The following ACBD6 variants were observed in gnomAD, a reference collection of about 807,000 sequenced individuals.
The protein encoded by ACBD6 is acyl-CoA-binding domain-containing protein 6.
In ACBD6, 28 loss-of-function variants were observed where a neutral mutation model predicts 37.2. That is an observed-to-expected ratio of 0.75 (90% CI 0.56 to 1.03). ACBD6 has a LOEUF of 1.03. ACBD6 is among the 50% of genes least tolerant of loss of function. ACBD6 has a pLI of 0.00. For synonymous variants in ACBD6, 113 were observed against 126.8 expected, an observed-to-expected ratio of 0.89 and a Z score of 0.73; for missense variants, 340 against 337.4, an observed-to-expected ratio of 1.01 and a Z score of -0.06.
At chr1:180,293,995 A>C (rs1270969239) in intron 7 of ACBD6, among the ~76,000 whole-genome samples, 1 of 152,010 alleles carries the variant, frequency 6.6e-6, no homozygotes, top group East Asian at 1.9e-4. Context: ...CCCGGGTTCA[A>C]GTGATTCTCC....
At chr1:180,356,812 T>C (rs1652646105) in intron 6 of ACBD6, among the ~76,000 whole-genome samples, 1 of 149,878 alleles carries the variant, frequency 6.7e-6, no homozygotes, top group Non-Finnish European at 1.5e-5. Context: ...ATTGAGCCAC[T>C]TGCACTCCAG....
At chr1:180,280,074 C>T (rs1275605635) in intron 9 of ACBD6, among the ~76,000 whole-genome samples, 3 of 152,192 alleles carry the variant, frequency 2.0e-5, no homozygotes, top group African/African-American at 7.2e-5. Flanking sequence ...AGGTGCTCAA[C>T]AGCTTCATGT....
At chr1:180,347,388 A>G (rs896984634) in intron 6 of ACBD6, among the ~76,000 whole-genome samples, 14 of 131,004 alleles carry the variant, frequency 1.1e-4, no homozygotes, top group African/African-American at 4.1e-4. Context: ...TTTTTGAGAC[A>G]GAGTCATGCT....
intron 3 of ACBD6, among the ~76,000 whole-genome samples, chr1:180,466,578 T>C (rs897369506): frequency 3.9e-5 from 6 of 152,200 alleles, no homozygotes; most frequent in Non-Finnish European, 8.8e-5. Flanking sequence ...TAATGACTTA[T>C]TATTGGGTGT....
intron 6 of ACBD6, among the ~76,000 whole-genome samples, chr1:180,362,986 G>A (rs1652905797): frequency 6.6e-6 from 1 of 152,190 alleles, no homozygotes; most frequent in African/African-American, 2.4e-5. Context: ...GGGATGCAGG[G>A]ATTCTCACTC....
chr1:180,413,607 G>A, intron 4 of ACBD6, 136 bp from the exon 5 acceptor site: 1 of 652,338 alleles, frequency 1.5e-6, no homozygotes, highest in East Asian at 2.8e-5. Flanking sequence ...AACAGTAACA[G>A]TTTTTCAGTA....
At chr1:180,465,670 C>T (rs1414305848) in intron 3 of ACBD6, among the ~76,000 whole-genome samples, 2 of 151,990 alleles carry the variant, frequency 1.3e-5, no homozygotes, top group African/African-American at 4.8e-5. Flanking sequence ...GGTATATACC[C>T]GGAGGAATAT....
intron 6 of ACBD6, among the ~76,000 whole-genome samples, chr1:180,316,537 C>T (rs1329546535): frequency 1.3e-5 from 2 of 152,134 alleles, no homozygotes; most frequent in Admixed American, 1.3e-4. Context: ...AGTTCTTTCA[C>T]TATTTGTGCA....
rs375360583 is a variant in ACBD6 at position 180,397,235 on chromosome 1, G to A, written c.663+281C>T. ...CATTTATATAAAATATCCAGAATAG[G>A]CAAATCTATAGAAACAGAAAGCAGA... On this transcript the variant is annotated intron_variant, in intron 6 of 7. Transcript: ENST00000367595. Among the ~76,000 whole-genome samples the A allele has an allele frequency of 3.5e-4, 54 of 152,212 alleles. 1 individual carries two copies. The highest frequency in any genetic ancestry group is 1.3e-3 in the African/African-American group (54 of 41,544).
chr1:180,435,987 T>C (rs1171519025), intron 3 of ACBD6: 6 of 962,782 alleles, frequency 6.2e-6, no homozygotes, highest in Non-Finnish European at 3.3e-6. Context: ...TTTTGCAGCA[T>C]AGCTACCTTC....
intron 6 of ACBD6, among the ~76,000 whole-genome samples, chr1:180,359,440 G>C (rs1652761155): frequency 6.6e-6 from 1 of 151,954 alleles, no homozygotes; most frequent in Non-Finnish European, 1.5e-5. Flanking sequence ...AGGATGACAT[G>C]AAATCAATGT....
At chr1:180,428,495 T>C (rs960886367) in intron 4 of ACBD6, among the ~76,000 whole-genome samples, 7 of 152,210 alleles carry the variant, frequency 4.6e-5, no homozygotes, top group African/African-American at 1.2e-4. Context: ...ATCACTTCAC[T>C]AGCAATTGGG....
At chr1:180,352,615 A>G (rs1339721480) in intron 6 of ACBD6, among the ~76,000 whole-genome samples, 2 of 152,228 alleles carry the variant, frequency 1.3e-5, no homozygotes, top group Non-Finnish European at 2.9e-5. Flanking sequence ...GGATGGAAGC[A>G]TGTGAGAGAC....
intron 3 of ACBD6, among the ~76,000 whole-genome samples, chr1:180,459,049 G>C (rs1650026113): frequency 6.6e-6 from 1 of 152,032 alleles, no homozygotes; most frequent in Admixed American, 6.6e-5. Flanking sequence ...ATTTTTTCAA[G>C]ATCTCAGTAG....
intron 5 of ACBD6, among the ~76,000 whole-genome samples, chr1:180,403,527 A>T (rs144088005): frequency 3.9e-5 from 6 of 152,336 alleles, no homozygotes; most frequent in African/African-American, 1.4e-4. Flanking sequence ...TCGAGATGGT[A>T]GAAATACGGA....
chr1:180,452,288 A>T (rs1649738064), intron 3 of ACBD6, among the ~76,000 whole-genome samples: 1 of 151,972 alleles, frequency 6.6e-6, no homozygotes, highest in Non-Finnish European at 1.5e-5. Context: ...TGGCCAATAT[A>T]GTGAAACCTC....
At chr1:180,398,429 A>G (rs529670556) in intron 5 of ACBD6, among the ~76,000 whole-genome samples, 6 of 152,316 alleles carry the variant, frequency 3.9e-5, no homozygotes, top group African/African-American at 1.4e-4. Flanking sequence ...AGATTATTTA[A>G]CCAGTTTGAA....
intron 4 of ACBD6, among the ~76,000 whole-genome samples, chr1:180,420,412 A>G (rs1168345156): frequency 6.6e-6 from 1 of 152,188 alleles, no homozygotes; most frequent in African/African-American, 2.4e-5. Context: ...TCTCCAATGG[A>G]TCCTTCCCGA....
At chr1:180,388,821 A>C (rs1261796856) in intron 6 of ACBD6, among the ~76,000 whole-genome samples, 1 of 147,948 alleles carries the variant, frequency 6.8e-6, no homozygotes, top group Non-Finnish European at 1.5e-5. Context: ...TATAACATTA[A>C]AAACATAAAA....
Sources: gnomAD v4.1 joint callset for allele counts (sites outside exome capture counted in the v4.1 genomes callset) on GRCh38, gnomAD v4.1.1 for gene constraint, MANE v1.5 for transcripts, NCBI Gene and HGNC (gene_info 2026-07-23, HGNC 2026-07-21) for gene names.